CES5A: variants seen among roughly 807,000 people sequenced by gnomAD.
CES5A encodes carboxylesterase 5.
A neutral mutation model predicts 62.9 loss-of-function variants in CES5A; 67 were observed. The ratio of observed to expected loss-of-function variants is 1.07; its 90% CI spans 0.88 to 1.31. The LOEUF is 1.31. CES5A is among the 50% of genes most tolerant of loss of function. CES5A has a pLI of 0.00. For synonymous variants in CES5A, 296 were observed against 280.8 expected (o/e 1.05, Z -0.54); for missense variants, 748 against 708.5 (o/e 1.06, Z -0.63).
At position 55,846,490 on chromosome 16, in the gene CES5A, G is replaced by A; in HGVS notation, c.1689C>T (p.Leu563=). 6.2e-7 allele frequency: 1 copy of A among 1,614,056 alleles called. No individual in the cohort carries two copies. The highest frequency in any genetic ancestry group is 8.5e-7 in the Non-Finnish European group (1 of 1,179,922). The part of the protein sequence containing the change: ...LHSPLSSLTF[L]SLLQPFFFFC... ...AGAAAAAGAAAGGCTGGAGGAGAGAGAGGAAAGTTAAGGAAGAAAGAGGAC... is the reference window on the plus strand; with the variant it reads ...AGAAAAAGAAAGGCTGGAGGAGAGAAAGGAAAGTTAAGGAAGAAAGAGGAC... The change falls in exon 13 of 13, where the codon CTC becomes CTT. Residue 563 remains leucine, a synonymous_variant. Coordinates refer to ENST00000290567, the MANE Select transcript of CES5A (RefSeq NM_001143685.2).
chr16:55,874,772 T>G (rs1423212740), intron 1 of CES5A, among the ~76,000 whole-genome samples: 4 of 152,182 alleles, frequency 2.6e-5, no homozygotes, highest in African/African-American at 9.6e-5. Context: ...AGCTACTTAC[T>G]TAGCAAAACC....
At chr16:55,882,169 G>T (rs2033768445) in intron 1 of CES5A, among the ~76,000 whole-genome samples, 1 of 152,108 alleles carries the variant, frequency 6.6e-6, no homozygotes, top group African/African-American at 2.4e-5. Flanking sequence ...TAAGGAGTCT[G>T]GGTCCTTCAA....
Position 55,866,131 on chromosome 16 carries a change from C to T in CES5A, c.552-15G>A. ...GATCCCATGTGCTGAGGACAAGAGG[C>T]AGGGTGAGAATTCTTGGTCAGCCAT... On this transcript the variant is annotated splice_polypyrimidine_tract_variant and intron_variant, in intron 4 of 12. Coordinates refer to ENST00000290567, the MANE Select transcript of CES5A (RefSeq NM_001143685.2). The T allele has an allele frequency of 6.2e-7, 1 of 1,601,190 alleles. No individual in the cohort carries two copies. Among genetic ancestry groups the T allele is most frequent in the South Asian group, 1.1e-5 (1 of 90,150 alleles).
intron 1 of CES5A, among the ~76,000 whole-genome samples, chr16:55,909,573 C>CACACACAT (rs2034072347): frequency 2.0e-5 from 3 of 150,266 alleles, no homozygotes; most frequent in Non-Finnish European, 4.5e-5. Flanking sequence ...CGCACGTGCA[C>CACACACAT]ACACACACAC....
At chr16:55,880,479 C>T in intron 1 of CES5A, among the ~76,000 whole-genome samples, 1 of 152,188 alleles carries the variant, frequency 6.6e-6, no homozygotes, top group East Asian at 1.9e-4. Context: ...CCCCTCCACC[C>T]TTGCTCCTGA....
At chr16:55,863,524 A>G in intron 5 of CES5A, 72 bp from the exon 6 acceptor site, 2 of 830,004 alleles carry the variant, frequency 2.4e-6, no homozygotes. Flanking sequence ...TCCCTCTTCA[A>G]AGAAACCTTC....
At chr16:55,942,793 T>C (rs1484892287) in intron 2 of CES5A, among the ~76,000 whole-genome samples, 1 of 152,116 alleles carries the variant, frequency 6.6e-6, no homozygotes, top group African/African-American at 2.4e-5. Flanking sequence ...CATAGTAAAA[T>C]AGATAAACAA....
At chr16:55,955,174 G>A (rs577550303) in intron 1 of CES5A, among the ~76,000 whole-genome samples, 6 of 152,056 alleles carry the variant, frequency 3.9e-5, no homozygotes, top group South Asian at 2.1e-4. Flanking sequence ...CATGAGAACC[G>A]CAAGAGGCTA....
chr16:55,907,721 A>T (rs1263772346), intron 1 of CES5A, among the ~76,000 whole-genome samples: 1 of 152,154 alleles, frequency 6.6e-6, no homozygotes, highest in African/African-American at 2.4e-5. Flanking sequence ...AGCAGGTGGC[A>T]AGGCCAACTC....
At chr16:55,930,414 T>C (rs1269936129), upstream of CES5A, among the ~76,000 whole-genome samples, 3 of 152,216 alleles carry the variant, frequency 2.0e-5, no homozygotes, top group African/African-American at 7.2e-5. Flanking sequence ...TGCCCAGTTA[T>C]CTCTGACTTA....
intron 2 of CES5A, among the ~76,000 whole-genome samples, chr16:55,942,113 A>C (rs754485002): frequency 2.6e-5 from 4 of 152,208 alleles, no homozygotes; most frequent in Admixed American, 6.5e-5. Flanking sequence ...AAAAGTGAAA[A>C]CCATAAAGCT....
intron 1 of CES5A, 74 bp from the exon 2 acceptor site, chr16:55,874,111 C>T: frequency 7.5e-7 from 1 of 1,337,280 alleles, no homozygotes; most frequent in South Asian, 1.3e-5. Context: ...GTCTGGAGCT[C>T]CCCAGTGGGG....
At chr16:55,872,291 C>T (rs1212157854) in intron 2 of CES5A, among the ~76,000 whole-genome samples, 1 of 152,220 alleles carries the variant, frequency 6.6e-6, no homozygotes, top group Non-Finnish European at 1.5e-5. Context: ...CTGCTCTCTC[C>T]CTGTATCTGC....
exon 1 of CES5A, chr16:55,955,899 G>C (rs2142492169): frequency 6.5e-7 from 1 of 1,536,074 alleles, no homozygotes; most frequent in Admixed American, 2.0e-5. Context: ...ACTTGCCCTT[G>C]GTCCTAACAC....
rs556065376 is a variant in CES5A at position 55,846,597 on chromosome 16, C to G, written c.1582G>C (p.Gly528Arg). The G allele has an allele frequency of 6.2e-7, 1 of 1,614,076 alleles. No homozygotes were observed. The highest frequency in any genetic ancestry group is 8.5e-7 in the Non-Finnish European group (1 of 1,180,004). Residue 528 changes from glycine to arginine, a missense_variant, in exon 13 of 13, where the codon GGA (glycine) becomes CGA (arginine). Transcript: ENST00000290567. ...YLQLDLNMSL[G>R]QRLKEPRVDF... ...ACCCGCGGTTCTTTGAGTCTCTGTC[C>G]GAGGCTCATGTTCAAGTCCAGCTGG...
At chr16:55,925,720 G>A (rs1486124721), upstream of CES5A, among the ~76,000 whole-genome samples, 6 of 152,096 alleles carry the variant, frequency 3.9e-5, no homozygotes, top group Non-Finnish European at 8.8e-5. Flanking sequence ...AACATGGACA[G>A]AACTGGAGGT....
chr16:55,898,280 G>A (rs771089273), intron 1 of CES5A, among the ~76,000 whole-genome samples: 5 of 152,146 alleles, frequency 3.3e-5, no homozygotes, highest in Non-Finnish European at 7.4e-5. Context: ...GATGCATCAA[G>A]AAACTCTGAA....
chr16:55,874,338 C>T (rs546856112), intron 1 of CES5A, among the ~76,000 whole-genome samples: 6 of 152,178 alleles, frequency 3.9e-5, no homozygotes, highest in African/African-American at 1.4e-4. Flanking sequence ...TTTCTTTCTA[C>T]AGGATTGACA....
In CES5A at chr16:55,950,762, T is replaced by A. The variant is rs567262023; in HGVS notation, c.43-860A>T. On this transcript the variant is annotated intron_variant, in intron 1 of 13. Transcript: ENST00000521992. ...TTTAGATTGAAAAAAAAGATAGAAG[T>A]CTTTAGATTGAATGGATCTATCAAC... Among the ~76,000 whole-genome samples, 15 of 148,710 alleles carry A rather than the reference T, an allele frequency of 1.0e-4. 1 individual carries two copies. In the South Asian group the frequency reaches 2.8e-3, roughly 28 times the overall value.
Sources: gnomAD v4.1 joint callset for allele counts (sites outside exome capture counted in the v4.1 genomes callset) on GRCh38, gnomAD v4.1.1 for gene constraint, MANE v1.5 for transcripts, NCBI Gene and HGNC (gene_info 2026-07-23, HGNC 2026-07-21) for gene names.